The following AKR1C3 variants were observed in gnomAD, a reference collection of about 807,000 sequenced individuals.
AKR1C3 encodes the protein aldo-keto reductase family 1 member C3.
Under a neutral mutation model 43.6 loss-of-function variants are expected in AKR1C3, and 48 were observed. The observed-to-expected ratio is 1.10, with a 90% CI of 0.87 to 1.40. AKR1C3 has a LOEUF of 1.40. AKR1C3 is among the 40% of genes most tolerant of loss of function. The pLI is 0.00. For synonymous variants in AKR1C3, 162 were observed against 139.6 expected, an observed-to-expected ratio of 1.16 and a Z score of -1.13; for missense variants, 482 against 391.2, an observed-to-expected ratio of 1.23 and a Z score of -1.96.
Position 5,084,518 on chromosome 10 carries a change from C to T in AKR1C3, c.85-11892C>T, listed in dbSNP as rs1838918154. On this transcript the variant is annotated intron_variant, in intron 1 of 8. Transcript: ENST00000439082. The stretch of plus-strand genomic sequence containing the variant: ...TTTGAAGTCAGGTAGCATGATGCCT[C>T]CGGCTTTGTTCTTTTGGCTTAGGAT... Among the ~76,000 whole-genome samples the T allele has an allele frequency of 2.0e-5, 3 of 152,054 alleles. No homozygotes were observed. In the South Asian group the frequency reaches 6.2e-4, roughly 32 times the overall value.
intron 1 of AKR1C3, among the ~76,000 whole-genome samples, chr10:5,061,898 C>T (rs1414864492): frequency 2.0e-5 from 3 of 152,168 alleles, no homozygotes; most frequent in African/African-American, 7.2e-5. Context: ...ATATTACTCT[C>T]AAATTAAGGC....
upstream of AKR1C3, among the ~76,000 whole-genome samples, chr10:5,090,494 A>G (rs1839066899): frequency 6.6e-6 from 1 of 152,156 alleles, no homozygotes; most frequent in Non-Finnish European, 1.5e-5. Flanking sequence ...CTACTGTCCC[A>G]TAGCTCTCTA....
rs567071285 is a variant in AKR1C3, at chr10:5,065,048, A to G, written c.84+16153A>G. Among the ~76,000 whole-genome samples, 15 of 152,352 alleles carry G rather than the reference A, an allele frequency of 9.8e-5. No individual in the cohort carries two copies. In the South Asian group the frequency reaches 3.1e-3, roughly 32 times the overall value. On this transcript the variant is annotated intron_variant, in intron 1 of 8. Transcript: ENST00000439082. ...ACTGATCATTAGAGAAATGTAAATC[A>G]AAACCACAATGAGAAACCATCTCAT...
In AKR1C3 at chr10:5,077,756, G is replaced by A; in HGVS notation, c.85-18654G>A. 3 of 1,077,034 alleles carry A rather than the reference G, an allele frequency of 2.8e-6. No homozygotes were observed. In the South Asian group the frequency reaches 1.1e-4, roughly 41 times the overall value. The allele number at this position is 1,077,034 out of a possible 1,614,324, so 66.7% of individuals were successfully genotyped here. A position where few individuals can be genotyped will look rare whatever the true frequency, so the allele number is the denominator to read the frequency against. ...AAGAAAAAAAAAGGTGCAGCTCACT[G>A]CCAGTGCCCATTTAGTTTTACATTA... On this transcript the variant is annotated intron_variant, in intron 1 of 8. Coordinates refer to the AKR1C3 transcript ENST00000439082.
intron 2 of AKR1C3, among the ~76,000 whole-genome samples, chr10:5,097,213 ACTC>A (rs1229005236): frequency 3.3e-5 from 5 of 152,110 alleles, no homozygotes; most frequent in East Asian, 1.9e-4. Context: ...TTAAGAATTT[ACTC>A]CTATCATTCA....
At chr10:5,094,708 G>A (rs1839169740) in intron 1 of AKR1C3, among the ~76,000 whole-genome samples, 180 bp downstream of exon 1, 1 of 152,072 alleles carries the variant, frequency 6.6e-6, no homozygotes, top group Non-Finnish European at 1.5e-5. Flanking sequence ...CCATTCCTAT[G>A]GTCACGTACT....
chr10:5,106,021 G>A (rs1202597535), intron 8 of AKR1C3, among the ~76,000 whole-genome samples: 1 of 152,160 alleles, frequency 6.6e-6, no homozygotes. Flanking sequence ...TTCCAAATCT[G>A]TGCTTATATC....
chr10:5,071,417 T>C (rs1418322500), intron 1 of AKR1C3, among the ~76,000 whole-genome samples: 1 of 152,152 alleles, frequency 6.6e-6, no homozygotes, highest in Non-Finnish European at 1.5e-5. Flanking sequence ...AAATCAAATA[T>C]GACAAAGACT....
chr10:5,082,706 G>C (rs1450665319), intron 1 of AKR1C3, among the ~76,000 whole-genome samples: 3 of 152,056 alleles, frequency 2.0e-5, no homozygotes, highest in Non-Finnish European at 4.4e-5. Context: ...CTAGTATTTT[G>C]TTAAGAATAT....
intron 5 of AKR1C3, among the ~76,000 whole-genome samples, chr10:5,100,091 G>A (rs1004201029): frequency 1.3e-5 from 2 of 152,122 alleles, no homozygotes; most frequent in African/African-American, 2.4e-5. Context: ...TTGGGAGTTT[G>A]AGACCAGCCT....
At chr10:5,093,021 T>C (rs11252937), upstream of AKR1C3, among the ~76,000 whole-genome samples, 49,265 of 151,906 alleles carry the variant, frequency 0.32, 8,556 homozygotes, top group Non-Finnish European at 0.36. Flanking sequence ...GTCAGCAATT[T>C]TCTGAACTTG....
In AKR1C3 at chr10:5,098,866, G is replaced by A. The variant is rs28943579; in HGVS notation, c.434G>A (p.Cys145Tyr). Reference protein sequence around the residue: ...GKVIFDIVDLCTTWEAMEKCK... With the variant: ...GKVIFDIVDLYTTWEAMEKCK... ...GTAATATTTGACATAGTGGATCTCT[G>A]TACCACCTGGGAGGTGAGTGCTTGG... The change falls in exon 4 of 9, where the codon TGT becomes TAT. Residue 145 changes from cysteine to tyrosine, a missense_variant. Cys to Tyr is a radical substitution (Grantham distance 194). Transcript: ENST00000380554. 1,603 of 1,613,330 alleles carry A rather than the reference G, an allele frequency of 9.9e-4. 29 individuals are homozygous for A. In the East Asian group the frequency reaches 0.034, roughly 34 times the overall value.
intron 1 of AKR1C3, among the ~76,000 whole-genome samples, chr10:5,058,542 GT>G (rs1838310427): frequency 6.6e-6 from 1 of 152,120 alleles, no homozygotes; most frequent in African/African-American, 2.4e-5. Context: ...ATTGCCTGTG[GT>G]TTTGGTTTGT....
intron 7 of AKR1C3, 23 bp from the exon 8 acceptor site, chr10:5,105,565 AAAATAAT>A: frequency 6.4e-7 from 1 of 1,570,354 alleles, no homozygotes; most frequent in Middle Eastern, 1.7e-4. Flanking sequence ...TGGCAATCTA[AAAATAAT>A]AAAAGTTTTT....
intron 8 of AKR1C3, among the ~76,000 whole-genome samples, chr10:5,105,993 T>A (rs142707667): frequency 6.6e-6 from 1 of 152,328 alleles, no homozygotes; most frequent in Non-Finnish European, 1.5e-5. Flanking sequence ...ATACTGCCCA[T>A]GTGACTTCAT....
chr10:5,094,626 C>G (rs1839168294), intron 1 of AKR1C3, 98 bp downstream of exon 1: 3 of 1,319,306 alleles, frequency 2.3e-6, no homozygotes, highest in Non-Finnish European at 3.2e-6. Context: ...CTACCTTACT[C>G]TGGATGACTC....
At chr10:5,075,512 T>G (rs1272627211) in intron 1 of AKR1C3, among the ~76,000 whole-genome samples, 1 of 152,052 alleles carries the variant, frequency 6.6e-6, no homozygotes, top group Non-Finnish European at 1.5e-5. Context: ...AAAGGATTGA[T>G]CTACTGGTAG....
At chr10:5,053,927 G>C (rs1838208517) in intron 1 of AKR1C3, among the ~76,000 whole-genome samples, 1 of 152,204 alleles carries the variant, frequency 6.6e-6, no homozygotes, top group African/African-American at 2.4e-5. Context: ...AATTTGACAA[G>C]AAGGTTAAAA....
rs138644765 is a variant in AKR1C3, at chr10:5,105,648, C to G, written c.900C>G (p.Asp300Glu). The G allele has an allele frequency of 1.9e-6, 3 of 1,613,848 alleles. No individual in the cohort carries two copies. The highest frequency in any genetic ancestry group is 1.1e-5 in the South Asian group (1 of 91,058). ...AEDMKAIDGL[D>E]RNLHYFNSDS... ...ACATGAAAGCCATAGATGGCCTAGA[C>G]AGAAATCTCCACTATTTTAACAGTG... The change falls in exon 8 of 9, where the codon GAC becomes GAG. Residue 300 changes from aspartate to glutamate, a missense_variant. Coordinates refer to ENST00000380554, the MANE Select transcript of AKR1C3 (RefSeq NM_003739.6).
Sources: allele counts gnomAD v4.1 joint callset (sites outside exome capture counted in the v4.1 genomes callset), GRCh38; gene constraint gnomAD v4.1.1; transcripts MANE v1.5; gene names NCBI Gene and HGNC (gene_info 2026-07-23, HGNC 2026-07-21).